NEMP2: variants seen among roughly 807,000 people sequenced by gnomAD.
The protein encoded by NEMP2 is UPF0571 transmembrane protein.
Under a neutral mutation model 54.2 loss-of-function variants are expected in NEMP2, and 53 were observed. The ratio of observed to expected loss-of-function variants is 0.98; its 90% CI spans 0.78 to 1.23. NEMP2 has a LOEUF of 1.23. Among genes scored for constraint, NEMP2 ranks in the 50% most tolerant of loss-of-function variants. NEMP2 has a pLI of 0.00. For synonymous variants in NEMP2, 197 were observed against 190.3 expected (o/e 1.04, Z -0.29); for missense variants, 455 against 511.3 (o/e 0.89, Z 1.06).
At chr2:190,569,543 C>T in the NEMP2 span, among the ~76,000 whole-genome samples, 1 of 152,178 alleles carries the variant, frequency 6.6e-6, no homozygotes, top group Non-Finnish European at 1.5e-5. Context: ...AATGAGAGAA[C>T]ACATTTGGAA....
chr2:190,578,139 G>A, the NEMP2 span, among the ~76,000 whole-genome samples: 1 of 152,168 alleles, frequency 6.6e-6, no homozygotes, highest in African/African-American at 2.4e-5. This position sits in a 1 kb window ranked among gnomAD's most constrained non-coding sequence, Gnocchi z 4.4. Flanking sequence ...ATAATGGACA[G>A]GATGTGAGGG....
the NEMP2 span, among the ~76,000 whole-genome samples, chr2:190,595,408 T>C: frequency 6.6e-6 from 1 of 151,988 alleles, no homozygotes; most frequent in Non-Finnish European, 1.5e-5. The surrounding 1 kb of genome is among the most constrained non-coding windows in gnomAD (Gnocchi z 4.0). Context: ...ACAAATGGGA[T>C]CTAATTAAAC....
chr2:190,431,937 A>G, the NEMP2 span, among the ~76,000 whole-genome samples: 38 of 152,084 alleles, frequency 2.5e-4, no homozygotes, highest in African/African-American at 8.9e-4. This position sits in a 1 kb window ranked among gnomAD's most constrained non-coding sequence, Gnocchi z 4.4. Flanking sequence ...TAGTTGCATA[A>G]TCTTCTCTTA....
chr2:190,515,964 T>C (rs1690540983), intron 6 of NEMP2, among the ~76,000 whole-genome samples: 2 of 152,172 alleles, frequency 1.3e-5, no homozygotes, highest in Non-Finnish European at 2.9e-5. Flanking sequence ...TAGATGTGGT[T>C]AGAGCTTAAC....
the NEMP2 span, among the ~76,000 whole-genome samples, chr2:190,594,751 G>A: frequency 1.1e-4 from 17 of 152,216 alleles, 2 homozygotes; most frequent in African/African-American, 3.1e-4. The surrounding 1 kb of genome is among the most constrained non-coding windows in gnomAD (Gnocchi z 5.6). Flanking sequence ...TTTATTGAAC[G>A]AATAGAGTTA....
chr2:190,566,525 C>T, the NEMP2 span, among the ~76,000 whole-genome samples: 1 of 151,604 alleles, frequency 6.6e-6, no homozygotes, highest in Non-Finnish European at 1.5e-5. Context: ...GAGGTCGAGA[C>T]TGCAGTGAGC....
chr2:190,484,734 G>A, the NEMP2 span, among the ~76,000 whole-genome samples: 4 of 152,002 alleles, frequency 2.6e-5, no homozygotes, highest in South Asian at 2.1e-4. Context: ...CCCTTCTTAC[G>A]GATTGCTACA....
the NEMP2 span, among the ~76,000 whole-genome samples, chr2:190,429,428 C>T: frequency 3.3e-5 from 5 of 151,234 alleles, no homozygotes; most frequent in Admixed American, 2.0e-4. Context: ...TGGGTTCAAG[C>T]GATTCTCCTG....
the NEMP2 span, among the ~76,000 whole-genome samples, chr2:190,478,222 T>G: frequency 4.6e-5 from 7 of 152,300 alleles, no homozygotes; most frequent in East Asian, 1.3e-3. Flanking sequence ...AGTAGAAACC[T>G]AGCTACTGGT....
chr2:190,507,519 C>T lies in NEMP2; in HGVS notation c.*1670G>A, dbSNP rs931101746. ...CACCAATAAATATAATTTAAAAAAACAGATTAAACCATAAGAAAAATATTC... is the reference window on the plus strand; with the variant it reads ...CACCAATAAATATAATTTAAAAAAATAGATTAAACCATAAGAAAAATATTC... On this transcript the variant is annotated 3_prime_UTR_variant, in exon 9 of 9. Coordinates refer to ENST00000409150, the MANE Select transcript of NEMP2 (RefSeq NM_001142645.2). The surrounding 1 kb of genome is among the most constrained non-coding windows in gnomAD (Gnocchi z 4.4). 2.6e-5 allele frequency: 4 copies of T among 152,106 alleles called. No individual in the cohort carries two copies. Among genetic ancestry groups the T allele is most frequent in the African/African-American group, 9.7e-5 (4 of 41,410 alleles). 9.4% of individuals were successfully genotyped at this position (152,106 alleles called of 1,614,324 possible). A position where few individuals can be genotyped will look rare whatever the true frequency, so the allele number is the denominator to read the frequency against.
chr2:190,577,650 C>T, the NEMP2 span, among the ~76,000 whole-genome samples: 1 of 152,110 alleles, frequency 6.6e-6, no homozygotes, highest in East Asian at 1.9e-4. The surrounding 1 kb of genome is among the most constrained non-coding windows in gnomAD (Gnocchi z 4.8). Flanking sequence ...CTGAGGCGGG[C>T]AGATCACCTG....
At chr2:190,494,769 C>T in the NEMP2 span, among the ~76,000 whole-genome samples, 14 of 152,140 alleles carry the variant, frequency 9.2e-5, no homozygotes, top group Admixed American at 3.3e-4. The surrounding 1 kb of genome is among the most constrained non-coding windows in gnomAD (Gnocchi z 5.7). Context: ...TCTCAGTAGA[C>T]GCAGAAAAAG....
At chr2:190,647,965 C>T in the NEMP2 span, among the ~76,000 whole-genome samples, 2 of 152,128 alleles carry the variant, frequency 1.3e-5, no homozygotes, top group East Asian at 1.9e-4. Context: ...CCGCCCGCCT[C>T]GGCCTCCCAC....
chr2:190,496,492 AG>A, the NEMP2 span, among the ~76,000 whole-genome samples: 2 of 152,362 alleles, frequency 1.3e-5, no homozygotes, highest in East Asian at 3.9e-4. The surrounding 1 kb of genome is among the most constrained non-coding windows in gnomAD (Gnocchi z 4.7). Flanking sequence ...ATCTACCCAG[AG>A]GAAAAGAAGT....
the NEMP2 span, among the ~76,000 whole-genome samples, chr2:190,560,767 A>G: frequency 6.6e-6 from 1 of 152,200 alleles, no homozygotes; most frequent in Non-Finnish European, 1.5e-5. The surrounding 1 kb of genome is among the most constrained non-coding windows in gnomAD (Gnocchi z 5.4). Context: ...CATTCATATA[A>G]CATCCTCAAG....
upstream of NEMP2, chr2:190,535,906 A>G (rs1170920610): frequency 6.6e-6 from 1 of 152,208 alleles, no homozygotes; most frequent in Non-Finnish European, 1.5e-5. Context: ...GCTTCTTGCA[A>G]GACAGCTTTT....
chr2:190,500,706 TA>T (rs1689984963), downstream of NEMP2: 1 of 153,830 alleles, frequency 6.5e-6, no homozygotes, highest in Non-Finnish European at 1.4e-5. This position sits in a 1 kb window ranked among gnomAD's most constrained non-coding sequence, Gnocchi z 5.3. Context: ...AAGATATATT[TA>T]AAAAGTAACC....
At chr2:190,526,933 T>A (rs990658983) in intron 1 of NEMP2, among the ~76,000 whole-genome samples, 2 of 152,178 alleles carry the variant, frequency 1.3e-5, no homozygotes, top group Non-Finnish European at 2.9e-5. Flanking sequence ...CCCTCTGTGT[T>A]ACAGAGGGCT....
the NEMP2 span, among the ~76,000 whole-genome samples, chr2:190,425,833 GGA>G: frequency 6.6e-6 from 1 of 151,820 alleles, no homozygotes; most frequent in Non-Finnish European, 1.5e-5. This position sits in a 1 kb window ranked among gnomAD's most constrained non-coding sequence, Gnocchi z 4.3. Flanking sequence ...CTTTTTTTCT[GGA>G]TATAGCATTC....
Sources: gnomAD v4.1 joint callset for allele counts (sites outside exome capture counted in the v4.1 genomes callset) on GRCh38, gnomAD v4.1.1 for gene constraint, Gnocchi (gnomAD v3.1) non-coding constraint, MANE v1.5 for transcripts, NCBI Gene and HGNC (gene_info 2026-07-23, HGNC 2026-07-21) for gene names.